Variants in NLRP11 observed in about 807,000 individuals in gnomAD.
NLRP11 encodes NACHT, LRR and PYD domains-containing protein 11.
NLRP11 carries 53 observed loss-of-function variants against 79.3 expected under a neutral mutation model. The observed-to-expected ratio is 0.67, with a 90% CI of 0.54 to 0.84. The LOEUF is 0.84. Among genes scored for constraint, NLRP11 ranks in the 40% least tolerant of loss-of-function variants. NLRP11 has a pLI of 0.00. For synonymous variants in NLRP11, 518 were observed against 462.6 expected, an observed-to-expected ratio of 1.12 and a Z score of -1.54; for missense variants, 1,264 against 1,255.0, an observed-to-expected ratio of 1.01 and a Z score of -0.11.
Position 55,796,398 on chromosome 19 carries a change from C to G in NLRP11, c.2172-148G>C. The G allele has an allele frequency of 4.3e-6, 3 of 690,890 alleles. No individual in the cohort carries two copies. In the Admixed American group the frequency reaches 8.9e-5, roughly 21 times the overall value. The allele number at this position is 690,890 out of a possible 1,614,324, so 42.8% of individuals were successfully genotyped here. A position where few individuals can be genotyped will look rare whatever the true frequency, so the allele number is the denominator to read the frequency against. ...GATCCCTTTGCTTCTAACCTTTCTT[C>G]TCCCTATGCCACTCCTCAGAGTTCA... On this transcript the variant is annotated intron_variant, in intron 5 of 9. Transcript: ENST00000589093.
intron 1 of NLRP11, among the ~76,000 whole-genome samples, chr19:55,831,656 G>A (rs959935068): frequency 1.3e-5 from 2 of 151,978 alleles, no homozygotes; most frequent in African/African-American, 4.8e-5. Flanking sequence ...TGACGAGTTA[G>A]TTAGGTTTAA....
chr19:55,793,377 T>C (rs1978469385), intron 6 of NLRP11, among the ~76,000 whole-genome samples: 1 of 151,760 alleles, frequency 6.6e-6, no homozygotes, highest in Non-Finnish European at 1.5e-5. Flanking sequence ...GAGACTAGCC[T>C]GGTCAACATG....
At chr19:55,835,754 G>A (rs957530044), upstream of NLRP11, among the ~76,000 whole-genome samples, 23 of 149,912 alleles carry the variant, frequency 1.5e-4, 1 homozygote, top group African/African-American at 2.0e-4. Flanking sequence ...AGGCCGAGGC[G>A]GTCAGAACAC....
At chr19:55,786,167 A>T (rs1287087784) in intron 9 of NLRP11, among the ~76,000 whole-genome samples, 1 of 152,220 alleles carries the variant, frequency 6.6e-6, no homozygotes, top group East Asian at 1.9e-4. Flanking sequence ...ACATCCTCAC[A>T]ATGGGTAATG....
exon 6 of NLRP11, chr19:55,796,199 G>T: frequency 1.2e-6 from 2 of 1,613,888 alleles, no homozygotes; most frequent in Non-Finnish European, 1.7e-6. Flanking sequence ...CACTGATGAG[G>T]AGAGAGGCGA....
chr19:55,789,373 T>C lies in NLRP11; in HGVS notation c.2540A>G (p.Asp847Gly), dbSNP rs779653912. Residue 847 changes from aspartate (D) to glycine (G), a missense_variant, in exon 8 of 10, where the codon GAT becomes GGT. Transcript: ENST00000589093. Reference sequence around the variant, plus strand: ...AACTATGGCAATATATTGACAGATATCGCTGCTAAAGAAACAGCCAGACAG... The same window carrying C: ...AACTATGGCAATATATTGACAGATACCGCTGCTAAAGAAACAGCCAGACAG... 45 of 1,613,776 alleles carry C rather than the reference T, an allele frequency of 2.8e-5. No homozygotes were observed. The African/African-American group carries it at 2.9e-4, about 11-fold the overall frequency.
intron 9 of NLRP11, among the ~76,000 whole-genome samples, 170 bp downstream of exon 9, chr19:55,788,637 G>A (rs1458252696): frequency 6.7e-6 from 1 of 149,416 alleles, no homozygotes; most frequent in East Asian, 2.0e-4. Flanking sequence ...CTACTCAGGA[G>A]GCTGAGGAAG....
At chr19:55,823,374 A>G (rs1982008135) in intron 1 of NLRP11, among the ~76,000 whole-genome samples, 1 of 136,708 alleles carries the variant, frequency 7.3e-6, no homozygotes, top group South Asian at 2.2e-4. Flanking sequence ...CTCCAAAGGA[A>G]CGCAGTTCCT....
intron 5 of NLRP11, among the ~76,000 whole-genome samples, chr19:55,797,928 C>T (rs1394867625): frequency 6.6e-6 from 1 of 151,898 alleles, no homozygotes; most frequent in African/African-American, 2.4e-5. Context: ...CAGCACGGTA[C>T]ATAAACAGGA....
upstream of NLRP11, among the ~76,000 whole-genome samples, chr19:55,835,475 C>G (rs942322501): frequency 1.3e-5 from 2 of 151,970 alleles, no homozygotes; most frequent in African/African-American, 4.8e-5. Flanking sequence ...CCGAGGCGGG[C>G]AGATCACTTG....
chr19:55,807,807 T>C, intron 4 of NLRP11, 46 bp downstream of exon 4: 3 of 1,368,118 alleles, frequency 2.2e-6, no homozygotes, highest in Non-Finnish European at 3.0e-6. Context: ...AAGACCACCG[T>C]TATTCCTAGG....
At chr19:55,816,036 G>A (rs1981079031) in intron 2 of NLRP11, among the ~76,000 whole-genome samples, 1 of 152,192 alleles carries the variant, frequency 6.6e-6, no homozygotes, top group Admixed American at 6.5e-5. Flanking sequence ...GTGAAGACAT[G>A]CTATACTATT....
At chr19:55,811,571 C>G (rs1382987435) in intron 2 of NLRP11, among the ~76,000 whole-genome samples, 3 of 152,132 alleles carry the variant, frequency 2.0e-5, no homozygotes, top group African/African-American at 7.2e-5. Context: ...GGGCCTGATC[C>G]CACCCTCTAG....
rs1246998419 is a variant in NLRP11, at chr19:55,789,155, A to T, written c.2684+74T>A. 9 of 1,480,848 alleles carry T rather than the reference A, an allele frequency of 6.1e-6. No homozygotes were observed. In the African/African-American group the frequency reaches 1.3e-4, roughly 21 times the overall value. 91.7% of individuals were successfully genotyped at this position (1,480,848 alleles called of 1,614,324 possible). ...TTATGTCCGAGGTATTGTATTTCCC[A>T]ATCCACTTCCTCTTGTGCTTTTCTT... On this transcript the variant is annotated intron_variant, in intron 8 of 9. Transcript: ENST00000589093.
At chr19:55,827,656 C>T (rs1033244732) in intron 1 of NLRP11, among the ~76,000 whole-genome samples, 6 of 149,096 alleles carry the variant, frequency 4.0e-5, no homozygotes, top group Admixed American at 1.3e-4. Context: ...CCAAAAAAAA[C>T]ATGAAAAAAT....
intron 5 of NLRP11, among the ~76,000 whole-genome samples, chr19:55,797,442 T>C (rs1979035023): frequency 6.6e-6 from 1 of 152,244 alleles, no homozygotes; most frequent in Admixed American, 6.5e-5. Context: ...ATCTTTCAAC[T>C]AACAAATATT....
chr19:55,816,224 G>A lies in NLRP11; in HGVS notation c.271+1680C>T, dbSNP rs1335829226. Among the ~76,000 whole-genome samples, 20 of 152,272 alleles carry A rather than the reference G, an allele frequency of 1.3e-4. No individual in the cohort carries two copies. The East Asian group carries it at 3.1e-3, about 23-fold the overall frequency. On this transcript the variant is annotated intron_variant, in intron 2 of 9. Transcript: ENST00000589093. ...CCATGCCATTGGAAGCCAAAGAAGA[G>A]GAGTAGCTATGCTTATATCAGACAA... is the stretch of plus-strand genomic sequence containing the variant.
At chr19:55,833,071 C>T (rs923150012), upstream of NLRP11, among the ~76,000 whole-genome samples, 1 of 151,918 alleles carries the variant, frequency 6.6e-6, no homozygotes, top group Non-Finnish European at 1.5e-5. Context: ...TAAAAAAAAA[C>T]TAATTGGAAT....
At chr19:55,793,960 A>G (rs1320318981) in intron 6 of NLRP11, among the ~76,000 whole-genome samples, 1 of 152,226 alleles carries the variant, frequency 6.6e-6, no homozygotes, top group African/African-American at 2.4e-5. Context: ...GGTCACGACC[A>G]TAAATTTGGC....
Sources: allele counts gnomAD v4.1 joint callset (sites outside exome capture counted in the v4.1 genomes callset), GRCh38; gene constraint gnomAD v4.1.1; transcripts MANE v1.5; gene names NCBI Gene and HGNC (gene_info 2026-07-23, HGNC 2026-07-21).